The following FGF2 variants were observed in gnomAD, a reference collection of about 807,000 sequenced individuals.
FGF2 encodes fibroblast growth factor 2, also known as basic fibroblast growth factor bFGF.
Under a neutral mutation model 15.9 loss-of-function variants are expected in FGF2, and 13 were observed. The ratio of observed to expected loss-of-function variants is 0.82; its 90% CI spans 0.53 to 1.30. The LOEUF (loss-of-function observed/expected upper bound fraction) is 1.30, where lower values mean the gene tolerates loss of function less well. Ranked by LOEUF, FGF2 falls within the 50% of genes most tolerant of loss-of-function variation. FGF2 has a pLI of 0.00. For synonymous variants in FGF2, 90 were observed against 78.4 expected, an observed-to-expected ratio of 1.15 and a Z score of -0.78; for missense variants, 163 against 196.9, an observed-to-expected ratio of 0.83 and a Z score of 1.03.
Position 122,896,437 on chromosome 4 carries a change from A to G in FGF2, c.*4041A>G, listed in dbSNP as rs113212565. On this transcript the variant is annotated 3_prime_UTR_variant, in exon 3 of 3. Coordinates refer to ENST00000644866, the MANE Select transcript of FGF2 (RefSeq NM_001361665.2). ...AAACCTGCAGACTGCTTTTTGCCCA[A>G]TATAGATTGGGTAAGGCTGCAAAAC... The G allele has an allele frequency of 1.5e-4, 23 of 152,246 alleles. No homozygotes were observed. Among genetic ancestry groups the G allele is most frequent in the Admixed American group, 1.5e-3 (23 of 15,264 alleles). The allele number at this position is 152,246 out of a possible 1,614,324, so 9.4% of individuals were successfully genotyped here.
chr4:122,833,179 A>ATGTGTGTGTG (rs139686023), intron 1 of FGF2, among the ~76,000 whole-genome samples: 2,565 of 149,002 alleles, frequency 0.017, 58 homozygotes, highest in South Asian at 0.082. Flanking sequence ...TGTATAATGG[A>ATGTGTGTGTG]TGTGTGTGTG....
In FGF2 at chr4:122,896,643, G is replaced by T. The variant is rs1200914823; in HGVS notation, c.*4247G>T. 3 of 152,144 alleles carry T rather than the reference G, an allele frequency of 2.0e-5. No individual in the cohort carries two copies. Among genetic ancestry groups the T allele is most frequent in the Admixed American group, 6.6e-5 (1 of 15,266 alleles). 9.4% of individuals were successfully genotyped at this position (152,144 alleles called of 1,614,324 possible). A position where few individuals can be genotyped will look rare whatever the true frequency, so the allele number is the denominator to read the frequency against. On this transcript the variant is annotated 3_prime_UTR_variant, in exon 3 of 3. Transcript: ENST00000644866. ...AAGGTCAATAAGTACCTGAAACCAA[G>T]ATTGGCTAGAGATATATCTTAATGC...
chr4:122,893,134 A>G lies in FGF2; in HGVS notation c.*738A>G. ...ACATATCTGACTTCCCAAAAGCTCC[A>G]GGATTTGTGTGCTGTTGCCGAATAC... is the stretch of plus-strand genomic sequence containing the variant. On this transcript the variant is annotated 3_prime_UTR_variant, in exon 3 of 3. Transcript: ENST00000644866. 6 of 1,614,210 alleles carry G rather than the reference A, an allele frequency of 3.7e-6. No homozygotes were observed. Among genetic ancestry groups the G allele is most frequent in the Non-Finnish European group, 5.1e-6 (6 of 1,180,030 alleles).
At chr4:122,863,217 A>G (rs1726507933) in intron 1 of FGF2, among the ~76,000 whole-genome samples, 1 of 152,206 alleles carries the variant, frequency 6.6e-6, no homozygotes, top group Non-Finnish European at 1.5e-5. Context: ...GACTTATTTC[A>G]GTCACTTCTT....
intron 1 of FGF2, among the ~76,000 whole-genome samples, chr4:122,872,078 G>A (rs1170589672): frequency 6.6e-6 from 1 of 152,132 alleles, no homozygotes; most frequent in Non-Finnish European, 1.5e-5. Flanking sequence ...ACTACGCTGA[G>A]CTAAAAGGAG....
chr4:122,838,500 T>G (rs1725910819), intron 1 of FGF2, among the ~76,000 whole-genome samples: 1 of 152,350 alleles, frequency 6.6e-6, no homozygotes, highest in Non-Finnish European at 1.5e-5. Context: ...TTTTTCCTAT[T>G]GGCTTTTCAA....
intron 1 of FGF2, among the ~76,000 whole-genome samples, chr4:122,828,910 G>A (rs1463990028): frequency 6.6e-6 from 1 of 152,210 alleles, no homozygotes; most frequent in African/African-American, 2.4e-5. Context: ...CAGCTGACAA[G>A]GGCAAGGTGC....
At chr4:122,868,446 G>T (rs1031090875) in intron 1 of FGF2, among the ~76,000 whole-genome samples, 4 of 152,148 alleles carry the variant, frequency 2.6e-5, no homozygotes, top group African/African-American at 9.7e-5. Context: ...CAAAAGACAT[G>T]ATCTCATTCC....
Position 122,897,860 on chromosome 4 carries a change from G to A in FGF2, c.*5464G>A, listed in dbSNP as rs1431375288. On this transcript the variant is annotated 3_prime_UTR_variant, in exon 3 of 3. Coordinates refer to ENST00000644866, the MANE Select transcript of FGF2 (RefSeq NM_001361665.2). ...CGTTTCTTCTTTTTTTGGGGGAGCT[G>A]GTAACTGATGAAATCTTTTCCCACC... 31 of 577,892 alleles carry A rather than the reference G, an allele frequency of 5.4e-5. No homozygotes were observed. In the Admixed American group the frequency reaches 9.6e-4, roughly 18 times the overall value. The allele number at this position is 577,892 out of a possible 1,614,324, so 35.8% of individuals were successfully genotyped here. A position where few individuals can be genotyped will look rare whatever the true frequency, so the allele number is the denominator to read the frequency against.
At chr4:122,869,725 G>C (rs1726688778) in intron 1 of FGF2, among the ~76,000 whole-genome samples, 1 of 152,174 alleles carries the variant, frequency 6.6e-6, no homozygotes, top group Non-Finnish European at 1.5e-5. Context: ...GTCAGTTTAA[G>C]GAGTTTTTGG....
At position 122,892,189 on chromosome 4, in the gene FGF2, TAATTCTTC is replaced by T. The variant is rs757204721; in HGVS notation, c.283-21_283-14del. The T allele has an allele frequency of 1.3e-6, 2 of 1,557,588 alleles. No homozygotes were observed. The highest frequency in any genetic ancestry group is 1.8e-6 in the Non-Finnish European group (2 of 1,128,780). On this transcript the variant is annotated splice_polypyrimidine_tract_variant and intron_variant, in intron 2 of 2. Coordinates refer to ENST00000644866, the MANE Select transcript of FGF2 (RefSeq NM_001361665.2). Reference sequence around the variant, plus strand: ...TAATAATAATGATAATAATAACAGGTAATTCTTCCTTTATTTTTCAGAAATGTGTTACG... The same window carrying T: ...TAATAATAATGATAATAATAACAGGTCTTTATTTTTCAGAAATGTGTTACG...
chr4:122,857,109 ATTC>A (rs1194462984), intron 1 of FGF2, among the ~76,000 whole-genome samples: 3 of 152,178 alleles, frequency 2.0e-5, no homozygotes, highest in African/African-American at 7.2e-5. Context: ...TACTGTAATT[ATTC>A]TTACCAGAAA....
chr4:122,889,721 G>C (rs1158022344), intron 2 of FGF2, among the ~76,000 whole-genome samples: 1 of 151,932 alleles, frequency 6.6e-6, no homozygotes, highest in Non-Finnish European at 1.5e-5. Flanking sequence ...AATAACTTTT[G>C]TAATAAATAA....
At chr4:122,883,475 T>C (rs1726999332) in intron 2 of FGF2, among the ~76,000 whole-genome samples, 1 of 152,198 alleles carries the variant, frequency 6.6e-6, no homozygotes, top group Non-Finnish European at 1.5e-5. Context: ...TATATTTAAT[T>C]GCCAAAGCCT....
intron 1 of FGF2, among the ~76,000 whole-genome samples, chr4:122,832,284 T>C (rs1159270383): frequency 7.2e-5 from 11 of 152,164 alleles, no homozygotes; most frequent in Admixed American, 5.9e-4. Context: ...TGAGACACAG[T>C]CTTACCCTGT....
chr4:122,876,447 C>T (rs371304791), intron 2 of FGF2, 23 bp downstream of exon 2: 276 of 1,458,988 alleles, frequency 1.9e-4, no homozygotes, highest in Non-Finnish European at 2.5e-4. Flanking sequence ...TCTGTTTTCA[C>T]ACGTTTTTTG....
At chr4:122,839,724 C>T (rs993418662) in intron 1 of FGF2, among the ~76,000 whole-genome samples, 6 of 152,144 alleles carry the variant, frequency 3.9e-5, no homozygotes, top group South Asian at 2.1e-4. Flanking sequence ...ACACTTGTGC[C>T]GGTCACTGCA....
chr4:122,830,736 CAT>C (rs1725746519), intron 1 of FGF2, among the ~76,000 whole-genome samples: 1 of 137,436 alleles, frequency 7.3e-6, no homozygotes, highest in African/African-American at 2.7e-5. Context: ...GCACGTACAA[CAT>C]GTGGTAGAGT....
chr4:122,872,127 T>C (rs1340366058), intron 1 of FGF2, among the ~76,000 whole-genome samples: 1 of 152,058 alleles, frequency 6.6e-6, no homozygotes, highest in Non-Finnish European at 1.5e-5. Flanking sequence ...AGAACCTTTA[T>C]GAAAGGTTAG....
Sources: allele counts gnomAD v4.1 joint callset (sites outside exome capture counted in the v4.1 genomes callset), GRCh38; gene constraint gnomAD v4.1.1; transcripts MANE v1.5; gene names NCBI Gene and HGNC (gene_info 2026-07-23, HGNC 2026-07-21).